MB21D2: variants seen among roughly 807,000 people sequenced by gnomAD.
MB21D2 encodes the protein Mab-21 domain containing 2, also known as nucleotidyltransferase MB21D2.
Under a neutral mutation model 33.3 loss-of-function variants are expected in MB21D2, and 9 were observed. The ratio of observed to expected loss-of-function variants is 0.27; its 90% CI spans 0.16 to 0.47. MB21D2 has a LOEUF of 0.47. Ranked by LOEUF, MB21D2 falls within the 20% of genes least tolerant of loss-of-function variation. The probability of loss-of-function intolerance (pLI) is 0.99; values close to 1 mark genes in which losing one functional copy is unlikely to be tolerated. For synonymous variants in MB21D2, 241 were observed against 236.3 expected (o/e 1.02, Z -0.18); for missense variants, 540 against 624.6 (o/e 0.86, Z 1.44).
intron 1 of MB21D2, among the ~76,000 whole-genome samples, chr3:192,855,035 T>C (rs569826975): frequency 2.6e-5 from 4 of 152,372 alleles, no homozygotes; most frequent in African/African-American, 9.6e-5. Context: ...CTGCAACTCA[T>C]GTACCAATGA....
At chr3:192,842,935 C>A (rs1476669112) in intron 1 of MB21D2, among the ~76,000 whole-genome samples, 2 of 152,180 alleles carry the variant, frequency 1.3e-5, no homozygotes, top group Non-Finnish European at 2.9e-5. Context: ...CTTTGACTAA[C>A]AGAAGTCTTA....
intron 1 of MB21D2, among the ~76,000 whole-genome samples, chr3:192,905,041 A>G (rs1714176432): frequency 6.6e-6 from 1 of 152,224 alleles, no homozygotes; most frequent in Non-Finnish European, 1.5e-5. Flanking sequence ...TTGAAAGAAC[A>G]AACTGTTGAG....
chr3:192,888,104 T>C (rs1003880597), intron 1 of MB21D2, among the ~76,000 whole-genome samples: 6 of 152,118 alleles, frequency 3.9e-5, no homozygotes, highest in Middle Eastern at 3.4e-3. Context: ...CCCGGCTCCT[T>C]TGCACCCCAG....
At chr3:192,808,279 G>A (rs536423308) in intron 1 of MB21D2, among the ~76,000 whole-genome samples, 4 of 152,210 alleles carry the variant, frequency 2.6e-5, no homozygotes, top group African/African-American at 7.2e-5. Context: ...AATCACACAC[G>A]AATCAACATA....
intron 1 of MB21D2, among the ~76,000 whole-genome samples, chr3:192,866,578 A>T (rs1713172959): frequency 6.6e-6 from 1 of 152,258 alleles, no homozygotes; most frequent in Non-Finnish European, 1.5e-5. Flanking sequence ...ACGTGTATGT[A>T]GACATGCACG....
chr3:192,828,022 G>A (rs943343682), intron 1 of MB21D2, among the ~76,000 whole-genome samples: 33 of 151,964 alleles, frequency 2.2e-4, no homozygotes, highest in African/African-American at 6.5e-4. Flanking sequence ...AACCCCTTTC[G>A]CTTGGCTCTC....
intron 1 of MB21D2, among the ~76,000 whole-genome samples, chr3:192,906,547 GGCT>G (rs954941570): frequency 4.6e-5 from 7 of 152,138 alleles, no homozygotes; most frequent in African/African-American, 7.2e-5. Context: ...GTCTTCAGAT[GGCT>G]GCTGCTGCTG....
chr3:192,818,758 A>G (rs1158189898), intron 1 of MB21D2, among the ~76,000 whole-genome samples: 1 of 151,970 alleles, frequency 6.6e-6, no homozygotes, highest in Non-Finnish European at 1.5e-5. Context: ...TGCTTTTCCT[A>G]TAAGTCATGC....
intron 1 of MB21D2, among the ~76,000 whole-genome samples, chr3:192,837,678 T>C (rs1044616996): frequency 1.3e-5 from 2 of 152,152 alleles, no homozygotes; most frequent in Non-Finnish European, 2.9e-5. Flanking sequence ...CTCAAAAGGT[T>C]TTGCAAAAAA....
chr3:192,860,331 A>T (rs1186778443), intron 1 of MB21D2, among the ~76,000 whole-genome samples: 1 of 152,220 alleles, frequency 6.6e-6, no homozygotes, highest in Non-Finnish European at 1.5e-5. Flanking sequence ...CTGATGTAGA[A>T]GGCTGTTTTT....
chr3:192,891,381 T>C (rs929048947), intron 1 of MB21D2, among the ~76,000 whole-genome samples: 1 of 152,068 alleles, frequency 6.6e-6, no homozygotes, highest in Non-Finnish European at 1.5e-5. Context: ...AATTAATAAA[T>C]AGAACAAAAT....
intron 1 of MB21D2, among the ~76,000 whole-genome samples, chr3:192,862,491 G>A (rs2108634391): frequency 6.6e-6 from 1 of 152,338 alleles, no homozygotes; most frequent in East Asian, 1.9e-4. Context: ...TCCTCAGGGT[G>A]CTGAAACAGA....
At chr3:192,868,455 T>G (rs13072108) in intron 1 of MB21D2, among the ~76,000 whole-genome samples, 85,202 of 151,994 alleles carry the variant, frequency 0.56, 24,875 homozygotes, top group African/African-American at 0.72. Context: ...CCTCTAACCA[T>G]GAACTTTTCA....
At chr3:192,897,972 A>T (rs567480671) in intron 1 of MB21D2, among the ~76,000 whole-genome samples, 5 of 141,518 alleles carry the variant, frequency 3.5e-5, no homozygotes, top group East Asian at 2.0e-4. Context: ...AAAAAAAAAA[A>T]TTTTAAAAAT....
rs76447466 is a variant in MB21D2, at chr3:192,896,264, G to C, written c.211+21366C>G. ...TAGTTTGCCCAAGGTCACACAAGCT[G>C]TCCCACACAAGCTGTCCCACACAAG... is the stretch of plus-strand genomic sequence containing the variant. On this transcript the variant is annotated intron_variant, in intron 1 of 1. Coordinates refer to ENST00000392452, the MANE Select transcript of MB21D2 (RefSeq NM_178496.4). 2.0e-3 allele frequency among the ~76,000 whole-genome samples: 294 copies of C among 150,444 alleles called. 2 individuals carry two copies. In the East Asian group the frequency reaches 0.046, roughly 23 times the overall value.
intron 1 of MB21D2, among the ~76,000 whole-genome samples, chr3:192,851,416 C>T (rs1712800440): frequency 6.6e-6 from 1 of 151,436 alleles, no homozygotes; most frequent in African/African-American, 2.4e-5. Flanking sequence ...TAAAAATATT[C>T]CAAAATTAGA....
chr3:192,895,098 G>A (rs1231613339), intron 1 of MB21D2, among the ~76,000 whole-genome samples: 4 of 152,146 alleles, frequency 2.6e-5, no homozygotes, highest in East Asian at 1.9e-4. Context: ...GGGGCCAAGG[G>A]GGCCTGCTAG....
chr3:192,893,891 C>T (rs1466270744), intron 1 of MB21D2, among the ~76,000 whole-genome samples: 1 of 152,034 alleles, frequency 6.6e-6, no homozygotes, highest in Admixed American at 6.6e-5. Flanking sequence ...TAAAAATTAG[C>T]TGGGTATAGT....
chr3:192,856,067 TA>T (rs997110643), intron 1 of MB21D2, among the ~76,000 whole-genome samples: 2 of 151,948 alleles, frequency 1.3e-5, no homozygotes, highest in Non-Finnish European at 2.9e-5. Flanking sequence ...AAAAAGTAAA[TA>T]AAAACTTAAT....
Sources: gnomAD v4.1 joint callset for allele counts (sites outside exome capture counted in the v4.1 genomes callset) on GRCh38, gnomAD v4.1.1 for gene constraint, MANE v1.5 for transcripts, NCBI Gene and HGNC (gene_info 2026-07-23, HGNC 2026-07-21) for gene names.